The following CAMTA1 variants were observed in gnomAD, a reference collection of about 807,000 sequenced individuals.
CAMTA1 encodes the protein calmodulin binding transcription activator 1, also known as calmodulin-binding transcription activator 1.
In CAMTA1, 27 loss-of-function variants were observed where a neutral mutation model predicts 170.9. That is an observed-to-expected ratio of 0.16 (90% CI 0.12 to 0.22). The LOEUF (loss-of-function observed/expected upper bound fraction) is 0.22. CAMTA1 is among the 10% of genes least tolerant of loss of function. The pLI is 1.00. For synonymous variants in CAMTA1, 833 were observed against 891.5 expected (o/e 0.93, Z 1.17); for missense variants, 1,619 against 2,217.2 (o/e 0.73, Z 5.42).
intron 3 of CAMTA1, among the ~76,000 whole-genome samples, chr1:7,039,509 A>G (rs1442718431): frequency 1.3e-5 from 1 of 77,878 alleles, no homozygotes; most frequent in East Asian, 3.3e-4. Flanking sequence ...ACCATTGTCC[A>G]AGAGCCTCCC....
At chr1:7,563,370 G>C (rs1010459601) in intron 6 of CAMTA1, among the ~76,000 whole-genome samples, 1 of 152,212 alleles carries the variant, frequency 6.6e-6, no homozygotes, top group African/African-American at 2.4e-5. Context: ...CCTGGTTTGG[G>C]GAGATGGTCA....
intron 7 of CAMTA1, among the ~76,000 whole-genome samples, chr1:7,659,829 C>A (rs534118362): frequency 6.6e-6 from 1 of 152,216 alleles, no homozygotes; most frequent in South Asian, 2.1e-4. Flanking sequence ...TGGGTATGCA[C>A]AAAGTGCCAG....
At chr1:6,985,170 G>A (rs1035476186) in intron 3 of CAMTA1, among the ~76,000 whole-genome samples, 2 of 152,228 alleles carry the variant, frequency 1.3e-5, no homozygotes, top group African/African-American at 4.8e-5. Context: ...GGGGGCGTGG[G>A]GCTGACTTGC....
intron 10 of CAMTA1, among the ~76,000 whole-genome samples, chr1:7,675,691 T>C (rs1167175912): frequency 1.3e-5 from 2 of 151,592 alleles, no homozygotes; most frequent in African/African-American, 4.9e-5. Flanking sequence ...AATGAAGGGG[T>C]CTAGGCAACA....
At chr1:7,080,132 A>G (rs1001723059) in intron 3 of CAMTA1, among the ~76,000 whole-genome samples, 4 of 152,346 alleles carry the variant, frequency 2.6e-5, no homozygotes, top group Middle Eastern at 3.4e-3. Context: ...GGATAACACA[A>G]TTGTAGTAAA....
chr1:7,182,186 A>C (rs146346721), intron 4 of CAMTA1, among the ~76,000 whole-genome samples: 1 of 152,278 alleles, frequency 6.6e-6, no homozygotes, highest in Non-Finnish European at 1.5e-5. Flanking sequence ...CATAAGTTCC[A>C]GTATACACAA....
chr1:7,667,764 C>T (rs114222423), intron 9 of CAMTA1, among the ~76,000 whole-genome samples: 2,050 of 152,316 alleles, frequency 0.013, 44 homozygotes, highest in African/African-American at 0.046. Flanking sequence ...AGCCTGGCAG[C>T]CCAGCAGAGG....
At chr1:7,412,813 G>C (rs1336832975) in intron 5 of CAMTA1, among the ~76,000 whole-genome samples, 1 of 152,088 alleles carries the variant, frequency 6.6e-6, no homozygotes, top group Non-Finnish European at 1.5e-5. Context: ...TGGTGTTTTA[G>C]ACATGAAGTC....
In CAMTA1 at chr1:7,223,903, A is replaced by T. The variant is rs1661243929; in HGVS notation, c.303-25588A>T. Among the ~76,000 whole-genome samples, 3 of 152,126 alleles carry T rather than the reference A, an allele frequency of 2.0e-5. No homozygotes were observed. The South Asian group carries it at 6.2e-4, about 32-fold the overall frequency. On this transcript the variant is annotated intron_variant, in intron 4 of 22. Coordinates refer to ENST00000303635, the MANE Select transcript of CAMTA1 (RefSeq NM_015215.4). Reference sequence around the variant, plus strand: ...CATGTATTTATTAGTTCTCAGGTTTACCTTGGGGCCTATGGGATATTTAAC... The same window carrying T: ...CATGTATTTATTAGTTCTCAGGTTTTCCTTGGGGCCTATGGGATATTTAAC...
intron 5 of CAMTA1, among the ~76,000 whole-genome samples, chr1:7,264,997 C>T (rs767645823): frequency 6.6e-6 from 1 of 152,230 alleles, no homozygotes; most frequent in African/African-American, 2.4e-5. Context: ...GCTTCCTTGG[C>T]TGACACCAGG....
At position 7,025,282 on chromosome 1, in the gene CAMTA1, A is replaced by C. The variant is rs552496751; in HGVS notation, c.235-66022A>C. ...TTTCCCCTGTGGGAGCCGAGGCTGC[A>C]GGACCTGAGAGCTGGCTCTGGCAGC... On this transcript the variant is annotated intron_variant, in intron 3 of 22. Coordinates refer to ENST00000303635, the MANE Select transcript of CAMTA1 (RefSeq NM_015215.4). 1.1e-4 allele frequency among the ~76,000 whole-genome samples: 16 copies of C among 152,358 alleles called. 1 individual carries two copies.
At chr1:7,112,855 T>A (rs1171147675) in intron 4 of CAMTA1, among the ~76,000 whole-genome samples, 3 of 152,238 alleles carry the variant, frequency 2.0e-5, no homozygotes, top group African/African-American at 7.2e-5. Flanking sequence ...TGTTTGTTTC[T>A]TCCACTTTCC....
chr1:7,735,105 ATTC>A, intron 12 of CAMTA1, among the ~76,000 whole-genome samples: 2 of 152,326 alleles, frequency 1.3e-5, no homozygotes, highest in South Asian at 4.1e-4. Flanking sequence ...TTTTCTCAGT[ATTC>A]TTTTTACTTT....
intron 1 of CAMTA1, among the ~76,000 whole-genome samples, chr1:6,814,605 G>A (rs1645568837): frequency 6.6e-6 from 1 of 152,106 alleles, no homozygotes; most frequent in Non-Finnish European, 1.5e-5. Flanking sequence ...AACATTTTTG[G>A]TATTTGAGCC....
intron 6 of CAMTA1, among the ~76,000 whole-genome samples, chr1:7,512,243 G>A (rs1412783060): frequency 6.6e-6 from 1 of 152,234 alleles, no homozygotes; most frequent in Non-Finnish European, 1.5e-5. Flanking sequence ...CAGGGGCAAG[G>A]AGATGGCCCC....
At chr1:7,266,235 CGGCCAGACCTAGGCCT>C (rs1401008713) in intron 5 of CAMTA1, among the ~76,000 whole-genome samples, 2 of 152,156 alleles carry the variant, frequency 1.3e-5, no homozygotes, top group African/African-American at 4.8e-5. Flanking sequence ...GGTTCAGTTG[CGGCCAGACCTAGGCCT>C]GGCCATGTGC....
In CAMTA1 at chr1:7,584,724, A is replaced by G. The variant is rs74055156; in HGVS notation, c.511-55676A>G. ...GCACAGCCCCTCATCTGAAACCCCT[A>G]AGGCCAGGTGTACTTAGCTAGACCA... On this transcript the variant is annotated intron_variant, in intron 6 of 22. Coordinates refer to ENST00000303635, the MANE Select transcript of CAMTA1 (RefSeq NM_015215.4). Among the ~76,000 whole-genome samples, 1,223 of 152,288 alleles carry G rather than the reference A, an allele frequency of 8.0e-3. 17 individuals are homozygous for G. Among genetic ancestry groups the G allele is most frequent in the African/African-American group, 0.028 (1,162 of 41,532 alleles).
At position 7,715,372 on chromosome 1, in the gene CAMTA1, T is replaced by A. The variant is rs1002845028; in HGVS notation, c.2915-17076T>A. Among the ~76,000 whole-genome samples the A allele has an allele frequency of 3.4e-4, 52 of 152,096 alleles. 1 individual carries two copies. The highest frequency in any genetic ancestry group is 1.5e-4 in the Non-Finnish European group (10 of 68,030). ...ACCACTTGGGGGGGTTCTGTAAGGATCTGCAGATTGCATAGCCCCTGAAAC... is the reference window on the plus strand; with the variant it reads ...ACCACTTGGGGGGGTTCTGTAAGGAACTGCAGATTGCATAGCCCCTGAAAC... On this transcript the variant is annotated intron_variant, in intron 11 of 22. Transcript: ENST00000303635.
chr1:7,603,517 T>C (rs2095462794), intron 6 of CAMTA1, among the ~76,000 whole-genome samples: 1 of 152,196 alleles, frequency 6.6e-6, no homozygotes, highest in African/African-American at 2.4e-5. Flanking sequence ...CTGCCTTTTT[T>C]TGTTTTCCAT....
Sources: gnomAD v4.1 joint callset for allele counts (sites outside exome capture counted in the v4.1 genomes callset) on GRCh38, gnomAD v4.1.1 for gene constraint, MANE v1.5 for transcripts, NCBI Gene and HGNC (gene_info 2026-07-23, HGNC 2026-07-21) for gene names.